Variants in MRPL15 observed in about 807,000 individuals in gnomAD.
The protein encoded by MRPL15 is mitochondrial ribosomal protein L15.
Under a neutral mutation model 28.0 loss-of-function variants are expected in MRPL15, and 24 were observed. The observed-to-expected ratio is 0.86, with a 90% CI of 0.62 to 1.21. The LOEUF is 1.21. Among genes scored for constraint, MRPL15 ranks in the 50% most tolerant of loss-of-function variants. The probability of loss-of-function intolerance (pLI) is 0.00; values close to 1 mark genes in which losing one functional copy is unlikely to be tolerated. For synonymous variants in MRPL15, 124 were observed against 137.0 expected (o/e 0.90, Z 0.66); for missense variants, 343 against 372.4 (o/e 0.92, Z 0.65).
chr8:54,141,543 A>T (rs1425729638), intron 3 of MRPL15, among the ~76,000 whole-genome samples: 4 of 150,386 alleles, frequency 2.7e-5, no homozygotes, highest in Non-Finnish European at 4.4e-5. Context: ...ATAAAATGTT[A>T]AAAAAAAAGT....
intron 4 of MRPL15, among the ~76,000 whole-genome samples, chr8:54,143,640 T>C (rs1199563726): frequency 6.6e-6 from 1 of 152,198 alleles, no homozygotes; most frequent in African/African-American, 2.4e-5. Flanking sequence ...TGGAGTGACG[T>C]GGCACAAGGT....
chr8:54,135,431 C>G (rs1586214169), intron 1 of MRPL15, 40 bp downstream of exon 1: 2 of 1,494,996 alleles, frequency 1.3e-6, no homozygotes, highest in Non-Finnish European at 1.8e-6. Context: ...GCTGGGGACC[C>G]GGGCGATGAA....
intron 1 of MRPL15, 21 bp downstream of exon 1, chr8:54,135,412 C>A: frequency 6.6e-7 from 1 of 1,520,066 alleles, no homozygotes; most frequent in Non-Finnish European, 8.8e-7. Flanking sequence ...GGTGGCGGTG[C>A]GGGGAAGCGC....
chr8:54,143,880 C>T (rs1283499937), intron 4 of MRPL15, among the ~76,000 whole-genome samples: 3 of 152,224 alleles, frequency 2.0e-5, no homozygotes, highest in East Asian at 1.9e-4. Flanking sequence ...GAGCTTCCCC[C>T]ACTTGGAATA....
At position 54,136,504 on chromosome 8, in the gene MRPL15, C is replaced by T; in HGVS notation, c.109-7C>T. On this transcript the variant is annotated splice_region_variant and splice_polypyrimidine_tract_variant and intron_variant, in intron 1 of 4. Transcript: ENST00000260102. Reference sequence around the variant, plus strand: ...GAAATTCATAAAATTCTTTTTTTTCCTTGCAGGAGAGAAGACCAAGAGGTC... The same window carrying T: ...GAAATTCATAAAATTCTTTTTTTTCTTTGCAGGAGAGAAGACCAAGAGGTC... 3.2e-6 allele frequency: 5 copies of T among 1,575,520 alleles called. No homozygotes were observed. Among genetic ancestry groups the T allele is most frequent in the Admixed American group, 4.1e-5 (2 of 49,094 alleles).
At chr8:54,135,638 C>A (rs1478041174) in intron 1 of MRPL15, among the ~76,000 whole-genome samples, 2 of 147,878 alleles carry the variant, frequency 1.4e-5, no homozygotes, top group African/African-American at 5.1e-5. Flanking sequence ...AATTCTCCTG[C>A]CTCAGCCTCC....
chr8:54,147,757 G>A lies in MRPL15; in HGVS notation c.*38G>A, dbSNP rs1231558106. On this transcript the variant is annotated 3_prime_UTR_variant, in exon 5 of 5. Coordinates refer to ENST00000260102, the MANE Select transcript of MRPL15 (RefSeq NM_014175.4). ...GGAAGCAGAGTTGTTAAAGAGTACT[G>A]GAATAGGGGCTGAAGGATCTATATT... The A allele has an allele frequency of 2.0e-6, 3 of 1,524,628 alleles. No homozygotes were observed. The highest frequency in any genetic ancestry group is 2.3e-5 in the East Asian group (1 of 44,292). The allele number at this position is 1,524,628 out of a possible 1,614,324, so 94.4% of individuals were successfully genotyped here.
At position 54,147,448 on chromosome 8, in the gene MRPL15, CAGA is replaced by C. The variant is rs1811063288; in HGVS notation, c.625_627del (p.Glu209del). ...CCCATTCCAAAAAGAATGCTTCCAC[CAGA>C]AGAACTGGTACCATATTACACTGAT... On this transcript the variant is annotated inframe_deletion, in exon 5 of 5. Coordinates refer to ENST00000260102, the MANE Select transcript of MRPL15 (RefSeq NM_014175.4). The C allele has an allele frequency of 6.2e-7, 1 of 1,614,004 alleles. No homozygotes were observed. The highest frequency in any genetic ancestry group is 8.5e-7 in the Non-Finnish European group (1 of 1,179,974).
chr8:54,145,646 T>C (rs370445990), intron 4 of MRPL15, among the ~76,000 whole-genome samples: 9 of 152,136 alleles, frequency 5.9e-5, no homozygotes, highest in African/African-American at 2.2e-4. Context: ...CTTTTTTTTG[T>C]TTTATGTTTT....
intron 3 of MRPL15, among the ~76,000 whole-genome samples, chr8:54,141,979 A>C (rs1020828345): frequency 1.3e-5 from 2 of 151,310 alleles, no homozygotes; most frequent in Non-Finnish European, 2.9e-5. Context: ...CAGCCTCGAA[A>C]TAGCTGGGAT....
At chr8:54,145,484 ATTTT>A (rs903903301) in intron 4 of MRPL15, among the ~76,000 whole-genome samples, 83 of 147,526 alleles carry the variant, frequency 5.6e-4, no homozygotes, top group Non-Finnish European at 1.0e-3. Flanking sequence ...CGGGCCAGAA[ATTTT>A]TTTTTTTTCT....
intron 3 of MRPL15, among the ~76,000 whole-genome samples, chr8:54,140,221 G>A (rs1000752747): frequency 6.6e-6 from 1 of 151,980 alleles, no homozygotes; most frequent in Non-Finnish European, 1.5e-5. Context: ...AAAATTTAAC[G>A]TTTCAGAGTT....
intron 4 of MRPL15, among the ~76,000 whole-genome samples, chr8:54,145,484 A>AT (rs903903301): frequency 1.2e-4 from 17 of 147,492 alleles, no homozygotes; most frequent in Admixed American, 1.4e-4. Flanking sequence ...CGGGCCAGAA[A>AT]TTTTTTTTTT....
At chr8:54,145,475 G>A (rs1010103267) in intron 4 of MRPL15, among the ~76,000 whole-genome samples, 4 of 151,660 alleles carry the variant, frequency 2.6e-5, no homozygotes, top group African/African-American at 4.9e-5. Flanking sequence ...CCACCATGCC[G>A]GGCCAGAAAT....
intron 4 of MRPL15, 30 bp downstream of exon 4, chr8:54,142,816 TTC>T (rs867105411): frequency 4.3e-6 from 7 of 1,610,394 alleles, no homozygotes; most frequent in Non-Finnish European, 5.9e-6. Context: ...ATTTTCTTCT[TTC>T]TCTCTTTGTC....
At position 54,147,572 on chromosome 8, in the gene MRPL15, T is replaced by C. The variant is rs1308027517; in HGVS notation, c.744T>C (p.Thr248=). 7 of 1,614,054 alleles carry C rather than the reference T, an allele frequency of 4.3e-6. No individual in the cohort carries two copies. Among genetic ancestry groups the C allele is most frequent in the African/African-American group, 4.0e-5 (3 of 74,918 alleles). Residue 248 remains threonine, a synonymous_variant, in exon 5 of 5, where the codon ACT becomes ACC. Coordinates refer to ENST00000260102, the MANE Select transcript of MRPL15 (RefSeq NM_014175.4). ...RKYGYILPDI[T]KDELFKMLCT... ...ATGGTTATATCTTACCTGATATCAC[T>C]AAAGATGAACTCTTCAAAATGCTCT...
intron 4 of MRPL15, 167 bp downstream of exon 4, chr8:54,142,953 C>A: frequency 9.8e-7 from 1 of 1,017,502 alleles, no homozygotes; most frequent in Non-Finnish European, 1.4e-6. Context: ...CTGTTGCTGA[C>A]ACATACACCA....
chr8:54,145,182 G>C (rs1313833562), intron 4 of MRPL15, among the ~76,000 whole-genome samples: 1 of 152,124 alleles, frequency 6.6e-6, no homozygotes, highest in East Asian at 1.9e-4. Context: ...TTTTGCCTCT[G>C]AATAATTTAC....
intron 3 of MRPL15, among the ~76,000 whole-genome samples, chr8:54,139,480 G>A (rs1224351149): frequency 1.3e-5 from 2 of 152,124 alleles, no homozygotes; most frequent in Non-Finnish European, 2.9e-5. Context: ...CCAAATACAA[G>A]ATTAAGCCTC....
Sources: gnomAD v4.1 joint callset for allele counts (sites outside exome capture counted in the v4.1 genomes callset) on GRCh38, gnomAD v4.1.1 for gene constraint, MANE v1.5 for transcripts, NCBI Gene and HGNC (gene_info 2026-07-23, HGNC 2026-07-21) for gene names.